The following PPFIBP1 variants were observed in gnomAD, a reference collection of about 807,000 sequenced individuals.
PPFIBP1 encodes the protein liprin-beta-1.
In PPFIBP1, 112 loss-of-function variants were observed where a neutral mutation model predicts 137.8. That is an observed-to-expected ratio of 0.81 (90% confidence interval 0.70 to 0.95). The LOEUF (loss-of-function observed/expected upper bound fraction) is 0.95, where lower values mean the gene tolerates loss of function less well. Ranked by LOEUF, PPFIBP1 falls within the 40% of genes least tolerant of loss-of-function variation. PPFIBP1 has a pLI of 0.00. For missense variants in PPFIBP1, 1,083 were observed against 1,196.6 expected (o/e 0.91, Z 1.40); for synonymous variants, 378 against 417.3 (o/e 0.91, Z 1.15).
intron 24 of PPFIBP1, among the ~76,000 whole-genome samples, chr12:27,685,854 C>T (rs1048442779): frequency 6.6e-6 from 1 of 151,908 alleles, no homozygotes; most frequent in Non-Finnish European, 1.5e-5. Flanking sequence ...GCAACTCCTC[C>T]ACAAATTTAA....
At chr12:27,664,265 C>A in intron 11 of PPFIBP1, 97 bp from the exon 12 acceptor site, 6 of 784,324 alleles carry the variant, frequency 7.6e-6, no homozygotes, top group Non-Finnish European at 1.3e-5. Context: ...CATGCGTATT[C>A]TTTATGTAAT....
intron 2 of PPFIBP1, among the ~76,000 whole-genome samples, chr12:27,595,216 G>A (rs1003464665): frequency 6.6e-6 from 1 of 152,232 alleles, no homozygotes; most frequent in Non-Finnish European, 1.5e-5. Context: ...AAGCAAGTAG[G>A]GCTGGAAGAA....
chr12:27,601,087 T>C (rs190147919), intron 2 of PPFIBP1, among the ~76,000 whole-genome samples: 1 of 152,264 alleles, frequency 6.6e-6, no homozygotes, highest in African/African-American at 2.4e-5. Context: ...TAACTAAAAC[T>C]TTGTACCTGT....
intron 14 of PPFIBP1, among the ~76,000 whole-genome samples, chr12:27,672,129 A>G (rs1347835320): frequency 1.3e-5 from 2 of 152,130 alleles, no homozygotes; most frequent in African/African-American, 4.8e-5. Context: ...GTCATAGGTA[A>G]CTGTCAAAGG....
intron 1 of PPFIBP1, among the ~76,000 whole-genome samples, chr12:27,534,194 G>A (rs1344753111): frequency 6.6e-6 from 1 of 152,148 alleles, no homozygotes; most frequent in African/African-American, 2.4e-5. Flanking sequence ...GAGAGATGGG[G>A]CTAGACCCAA....
At chr12:27,540,442 C>G (rs1220296826) in intron 1 of PPFIBP1, among the ~76,000 whole-genome samples, 1 of 150,226 alleles carries the variant, frequency 6.7e-6, no homozygotes, top group Non-Finnish European at 1.5e-5. Context: ...TGATTCTTGC[C>G]AGTGACCCTG....
At chr12:27,657,902 G>A (rs1294740179) in intron 9 of PPFIBP1, among the ~76,000 whole-genome samples, 1 of 152,014 alleles carries the variant, frequency 6.6e-6, no homozygotes, top group Non-Finnish European at 1.5e-5. Flanking sequence ...GAGGCCAGGA[G>A]TTCAAGACCA....
chr12:27,689,447 AAAG>A lies in PPFIBP1; in HGVS notation c.2685+254_2685+256del, dbSNP rs372270092. On this transcript the variant is annotated intron_variant, in intron 27 of 29. Transcript: ENST00000228425. The stretch of plus-strand genomic sequence containing the variant: ...AGAGCTTATTGTAAGAATAAAAAAA[AAAG>A]AAGAAGAAGTACAGGGGCTGATCCT... Among the ~76,000 whole-genome samples the A allele has an allele frequency of 1.2e-3, 190 of 152,206 alleles. 1 individual carries two copies. The Middle Eastern group carries it at 0.02, about 16-fold the overall frequency.
intron 1 of PPFIBP1, among the ~76,000 whole-genome samples, chr12:27,526,710 C>G (rs1337930238): frequency 2.0e-5 from 3 of 152,086 alleles, no homozygotes; most frequent in Non-Finnish European, 4.4e-5. Flanking sequence ...TGGTGGGCAC[C>G]TGTAATCTCA....
chr12:27,653,013 G>C (rs1022304062), intron 7 of PPFIBP1, among the ~76,000 whole-genome samples: 1 of 152,100 alleles, frequency 6.6e-6, no homozygotes, highest in Non-Finnish European at 1.5e-5. Context: ...TTATTAAGGT[G>C]TAATTGTATA....
chr12:27,681,301 G>A (rs187758289), intron 21 of PPFIBP1, among the ~76,000 whole-genome samples: 3 of 152,294 alleles, frequency 2.0e-5, no homozygotes, highest in Admixed American at 2.0e-4. Flanking sequence ...TTTTTCTGTA[G>A]CACTTGTTCT....
chr12:27,678,611 G>T (rs2060665400), intron 19 of PPFIBP1, among the ~76,000 whole-genome samples: 1 of 152,124 alleles, frequency 6.6e-6, no homozygotes, highest in African/African-American at 2.4e-5. Context: ...TGTAATCTCA[G>T]CACTTTGGGA....
Position 27,601,980 on chromosome 12 carries a change from T to G in PPFIBP1, c.-36+23741T>G, listed in dbSNP as rs552182559. Among the ~76,000 whole-genome samples, 11 of 152,264 alleles carry G rather than the reference T, an allele frequency of 7.2e-5. No individual in the cohort carries two copies. In the South Asian group the frequency reaches 2.1e-3, roughly 29 times the overall value. Reference sequence around the variant, plus strand: ...GTCACATTAGCCACATTTCAAGTGGTTAGTGACCACCTGAACTAGTGGCTA... The same window carrying G: ...GTCACATTAGCCACATTTCAAGTGGGTAGTGACCACCTGAACTAGTGGCTA... On this transcript the variant is annotated intron_variant, in intron 2 of 29. Transcript: ENST00000228425.
At chr12:27,597,593 T>C (rs2053467648) in intron 2 of PPFIBP1, among the ~76,000 whole-genome samples, 2 of 152,202 alleles carry the variant, frequency 1.3e-5, no homozygotes, top group Non-Finnish European at 2.9e-5. Context: ...ATAAGTAGCT[T>C]CTTCTCCATG....
Position 27,595,243 on chromosome 12 carries a change from C to T in PPFIBP1, c.-36+17004C>T, listed in dbSNP as rs77636491. On this transcript the variant is annotated intron_variant, in intron 2 of 29. Transcript: ENST00000228425. ...CTGGAAGAATGCGTGCACACGCGCG[C>T]GCGCACAAACACACACACGCGCATA... is the stretch of plus-strand genomic sequence containing the variant. 7.1e-3 allele frequency among the ~76,000 whole-genome samples: 1,083 copies of T among 152,324 alleles called. 9 individuals are homozygous for T. The highest frequency in any genetic ancestry group is 0.023 in the African/African-American group (971 of 41,568).
intron 2 of PPFIBP1, among the ~76,000 whole-genome samples, chr12:27,618,903 A>G (rs1264560107): frequency 2.0e-5 from 3 of 152,220 alleles, no homozygotes; most frequent in African/African-American, 7.2e-5. Context: ...AGTAGAGACA[A>G]CATTCCAAGG....
chr12:27,674,811 A>ATTTTTTTTTTTTTTTTT (rs72418237), intron 17 of PPFIBP1, among the ~76,000 whole-genome samples: 1 of 108,706 alleles, frequency 9.2e-6, no homozygotes, highest in Non-Finnish European at 1.8e-5. Flanking sequence ...CTTTCCCCTG[A>ATTTTTTTTTTTTTTTTT]TTTTTTTTTT....
intron 4 of PPFIBP1, among the ~76,000 whole-genome samples, chr12:27,642,416 G>T (rs2058176274): frequency 6.6e-6 from 1 of 152,214 alleles, no homozygotes; most frequent in South Asian, 2.1e-4. Context: ...GACTCAACAA[G>T]AGTTTATACT....
chr12:27,561,698 C>T (rs948132274), intron 1 of PPFIBP1, among the ~76,000 whole-genome samples: 1 of 152,090 alleles, frequency 6.6e-6, no homozygotes, highest in African/African-American at 2.4e-5. Context: ...TGCCTGCTTT[C>T]GTTTCTGTAG....
Sources: gnomAD v4.1 joint callset for allele counts (sites outside exome capture counted in the v4.1 genomes callset) on GRCh38, gnomAD v4.1.1 for gene constraint, MANE v1.5 for transcripts, NCBI Gene and HGNC (gene_info 2026-07-23, HGNC 2026-07-21) for gene names.